Variants in GFPT1 observed in about 807,000 individuals in gnomAD.
The protein encoded by GFPT1 is glutamine--fructose-6-phosphate transaminase 1, also known as glutamine--fructose-6-phosphate aminotransferase [isomerizing] 1.
Under a neutral mutation model 92.0 loss-of-function variants are expected in GFPT1, and 40 were observed. That is an observed-to-expected ratio of 0.43 (90% confidence interval 0.34 to 0.57). The LOEUF is 0.57. Among genes scored for constraint, GFPT1 ranks in the 20% least tolerant of loss-of-function variants. The pLI, the probability that GFPT1 is intolerant of heterozygous loss-of-function variation, is 0.02. For missense variants in GFPT1, 448 were observed against 869.1 expected, an observed-to-expected ratio of 0.52 and a Z score of 6.09; for synonymous variants, 269 against 280.6, an observed-to-expected ratio of 0.96 and a Z score of 0.41.
At chr2:69,369,254 A>G (rs1483679469) in intron 3 of GFPT1, among the ~76,000 whole-genome samples, 1 of 152,210 alleles carries the variant, frequency 6.6e-6, no homozygotes, top group African/African-American at 2.4e-5. Flanking sequence ...GGGAAAAAAA[A>G]AAGACAAAAT....
chr2:69,334,100 G>A (rs995477651), intron 15 of GFPT1, among the ~76,000 whole-genome samples: 2 of 152,094 alleles, frequency 1.3e-5, no homozygotes, highest in African/African-American at 2.4e-5. Flanking sequence ...AAGTTACAGT[G>A]AGCAGAGATC....
At position 69,358,448 on chromosome 2, in the gene GFPT1, CATAGCCTT is replaced by C; in HGVS notation, c.416_423del (p.Lys139ArgfsTer5). Reference sequence around the variant, plus strand: ...TCTGTGTCTGTTTCAGATTCGAAGTCATAGCCTTTGCTTTCCTGTAAGTAGAAAGAAAA... The same window carrying C: ...TCTGTGTCTGTTTCAGATTCGAAGTCTGCTTTCCTGTAAGTAGAAAGAAAA... On this transcript the variant is annotated frameshift_variant, in exon 6 of 20. Transcript: ENST00000357308. LOFTEE classifies it high-confidence loss of function. 1 of 1,607,120 alleles carries C rather than the reference CATAGCCTT, an allele frequency of 6.2e-7. No homozygotes were observed. The highest frequency in any genetic ancestry group is 8.5e-7 in the Non-Finnish European group (1 of 1,174,116).
At chr2:69,329,528 A>G (rs1439324619) in intron 16 of GFPT1, 104 bp from the exon 17 acceptor site, 4 of 979,274 alleles carry the variant, frequency 4.1e-6, no homozygotes, top group African/African-American at 3.2e-5. Context: ...CCTCTGTGCT[A>G]TCAATCAGTA....
chr2:69,370,942 G>A (rs1419540602), intron 2 of GFPT1, among the ~76,000 whole-genome samples: 1 of 151,966 alleles, frequency 6.6e-6, no homozygotes, highest in Non-Finnish European at 1.5e-5. Flanking sequence ...GGAGGTTGCA[G>A]TGAGCTGAGA....
At chr2:69,358,574 C>T in intron 5 of GFPT1, 111 bp from the exon 6 acceptor site, 2 of 747,156 alleles carry the variant, frequency 2.7e-6, no homozygotes, top group Non-Finnish European at 4.5e-6. Flanking sequence ...ATTCTTTGAA[C>T]ACCATATCCC....
chr2:69,349,536 G>A (rs533186646), intron 10 of GFPT1, among the ~76,000 whole-genome samples: 109 of 151,782 alleles, frequency 7.2e-4, no homozygotes, highest in Non-Finnish European at 1.2e-3. Flanking sequence ...TTGCAATTTC[G>A]GTGATTTTAT....
At chr2:69,386,027 TAAAAAA>T (rs370310082) in intron 1 of GFPT1, among the ~76,000 whole-genome samples, 2 of 140,344 alleles carry the variant, frequency 1.4e-5, no homozygotes, top group African/African-American at 5.2e-5. Context: ...TACTTCCCTT[TAAAAAA>T]AAAAAAAAAA....
At chr2:69,335,687 G>A (rs947514135) in intron 15 of GFPT1, among the ~76,000 whole-genome samples, 2 of 152,280 alleles carry the variant, frequency 1.3e-5, no homozygotes, top group Admixed American at 1.3e-4. Context: ...TCAAGTTTCA[G>A]CACTCTGTAA....
chr2:69,327,828 C>T (rs1448464704), intron 18 of GFPT1, among the ~76,000 whole-genome samples: 2 of 152,050 alleles, frequency 1.3e-5, no homozygotes, highest in Admixed American at 6.6e-5. Flanking sequence ...CTGGGCCAGG[C>T]GGGGTGGCTC....
chr2:69,346,695 T>C (rs1671090983), intron 11 of GFPT1, among the ~76,000 whole-genome samples: 3 of 151,762 alleles, frequency 2.0e-5, no homozygotes, highest in Admixed American at 1.3e-4. Context: ...AAATCTGACA[T>C]ATATATATAT....
intron 3 of GFPT1, among the ~76,000 whole-genome samples, chr2:69,367,124 C>T (rs974025612): frequency 6.6e-5 from 10 of 152,166 alleles, no homozygotes; most frequent in African/African-American, 1.9e-4. Flanking sequence ...CATTCACTTA[C>T]TCCTCAGAAG....
intron 15 of GFPT1, among the ~76,000 whole-genome samples, chr2:69,332,780 A>AG: frequency 6.6e-6 from 1 of 151,906 alleles, no homozygotes; most frequent in Non-Finnish European, 1.5e-5. Context: ...ATTTATGCTG[A>AG]GGGGTGTGTG....
intron 3 of GFPT1, among the ~76,000 whole-genome samples, chr2:69,368,443 G>C (rs1671662490): frequency 6.6e-6 from 1 of 152,042 alleles, no homozygotes; most frequent in African/African-American, 2.4e-5. Context: ...AAACAAACCA[G>C]TTGGCCAGGC....
chr2:69,375,672 T>C (rs865981408), intron 1 of GFPT1, among the ~76,000 whole-genome samples: 30 of 152,330 alleles, frequency 2.0e-4, no homozygotes, highest in Middle Eastern at 3.4e-3. Context: ...TTTATTTTTT[T>C]AAGCTTTCCT....
chr2:69,338,691 C>T, intron 13 of GFPT1, 126 bp from the exon 14 acceptor site: 1 of 812,140 alleles, frequency 1.2e-6, no homozygotes, highest in South Asian at 1.5e-5. Flanking sequence ...AAAATAAAAA[C>T]AACCCAGATT....
chr2:69,354,214 A>T, intron 9 of GFPT1, 45 bp downstream of exon 9: 1 of 1,320,640 alleles, frequency 7.6e-7, no homozygotes. Context: ...AGAATAAACA[A>T]AAGAGGATAA....
In GFPT1 at chr2:69,381,139, C is replaced by T. The variant is rs139213845; in HGVS notation, c.7+5926G>A. Among the ~76,000 whole-genome samples the T allele has an allele frequency of 1.6e-3, 251 of 152,246 alleles. 1 individual carries two copies. Among genetic ancestry groups the T allele is most frequent in the Non-Finnish European group, 1.7e-3 (119 of 68,026 alleles). On this transcript the variant is annotated intron_variant, in intron 1 of 19. Coordinates refer to ENST00000357308, the MANE Select transcript of GFPT1 (RefSeq NM_001244710.2). Reference sequence around the variant, plus strand: ...CTGGGATTACAGGCGTGTGTTACCACGCCTGGCTAATTTTTGTATTTTTAG... The same window carrying T: ...CTGGGATTACAGGCGTGTGTTACCATGCCTGGCTAATTTTTGTATTTTTAG...
intron 1 of GFPT1, among the ~76,000 whole-genome samples, chr2:69,376,553 T>C (rs1434484945): frequency 4.6e-5 from 7 of 151,082 alleles, no homozygotes; most frequent in Admixed American, 4.6e-4. Context: ...AAAAACTGAA[T>C]CTGAACTAGT....
At chr2:69,358,012 G>A (rs776692356) in intron 6 of GFPT1, among the ~76,000 whole-genome samples, 28 of 152,166 alleles carry the variant, frequency 1.8e-4, no homozygotes, top group South Asian at 6.2e-4. Flanking sequence ...ATCCTCCATC[G>A]TGTGTACTGT....
Sources: allele counts gnomAD v4.1 joint callset (sites outside exome capture counted in the v4.1 genomes callset), GRCh38; gene constraint gnomAD v4.1.1; transcripts MANE v1.5; gene names NCBI Gene and HGNC (gene_info 2026-07-23, HGNC 2026-07-21).